The following EPB41L3 variants were observed in gnomAD, a reference collection of about 807,000 sequenced individuals.
EPB41L3 encodes the protein erythrocyte membrane protein band 4.1 like 3.
Under a neutral mutation model 127.1 loss-of-function variants are expected in EPB41L3, and 57 were observed. The ratio of observed to expected loss-of-function variants is 0.45; its 90% CI spans 0.36 to 0.56. The LOEUF is 0.56. Among genes scored for constraint, EPB41L3 ranks in the 20% least tolerant of loss-of-function variants. The pLI is 0.00. For missense variants in EPB41L3, 1,273 were observed against 1,372.2 expected (o/e 0.93, Z 1.14); for synonymous variants, 572 against 549.5 (o/e 1.04, Z -0.57).
At chr18:5,431,894 C>T (rs538693697) in intron 8 of EPB41L3, among the ~76,000 whole-genome samples, 1 of 152,180 alleles carries the variant, frequency 6.6e-6, no homozygotes, top group East Asian at 1.9e-4. Flanking sequence ...TATCTGAGTG[C>T]AAAATAGGTG....
chr18:5,533,043 A>G (rs1312667861), intron 1 of EPB41L3, among the ~76,000 whole-genome samples: 1 of 152,178 alleles, frequency 6.6e-6, no homozygotes, highest in Non-Finnish European at 1.5e-5. Flanking sequence ...ATGTATATTC[A>G]CCCTTTGTCA....
At chr18:5,443,332 T>C (rs2081048153) in intron 5 of EPB41L3, among the ~76,000 whole-genome samples, 1 of 152,252 alleles carries the variant, frequency 6.6e-6, no homozygotes, top group Admixed American at 6.5e-5. Flanking sequence ...AGCAACTGTT[T>C]AAGACTTATT....
chr18:5,456,163 T>A (rs1270640719), intron 3 of EPB41L3, among the ~76,000 whole-genome samples: 1 of 152,124 alleles, frequency 6.6e-6, no homozygotes, highest in East Asian at 1.9e-4. Context: ...ATTTAATGAG[T>A]ATGAATTTGT....
At chr18:5,427,386 T>C (rs1005040703) in intron 9 of EPB41L3, among the ~76,000 whole-genome samples, 13 of 152,186 alleles carry the variant, frequency 8.5e-5, no homozygotes, top group Non-Finnish European at 1.6e-4. Flanking sequence ...AGTAGATATG[T>C]GTTACTATTA....
intron 2 of EPB41L3, among the ~76,000 whole-genome samples, chr18:5,484,474 A>G (rs187002198): frequency 1.7e-4 from 26 of 151,964 alleles, no homozygotes; most frequent in African/African-American, 6.3e-4. Flanking sequence ...AAATTAGGAA[A>G]AAAAGAAATG....
chr18:5,607,963 T>C (rs2094680719), intron 3 of EPB41L3, among the ~76,000 whole-genome samples: 1 of 152,170 alleles, frequency 6.6e-6, no homozygotes, highest in Non-Finnish European at 1.5e-5. Context: ...TGAAAATATT[T>C]CAATGGATAT....
chr18:5,626,165 G>A (rs893542497), intron 1 of EPB41L3, among the ~76,000 whole-genome samples: 3 of 152,020 alleles, frequency 2.0e-5, no homozygotes, highest in Admixed American at 6.6e-5. Context: ...CTGGAACATT[G>A]GTGCTTGCAT....
At chr18:5,566,104 G>C (rs572149739) in intron 3 of EPB41L3, among the ~76,000 whole-genome samples, 1 of 152,264 alleles carries the variant, frequency 6.6e-6, no homozygotes, top group East Asian at 1.9e-4. Flanking sequence ...GGTGTTGGAA[G>C]TTCTGGCCAG....
At chr18:5,455,251 C>T (rs148355625) in intron 3 of EPB41L3, among the ~76,000 whole-genome samples, 1,534 of 151,862 alleles carry the variant, frequency 0.01, 29 homozygotes, top group African/African-American at 0.035. Flanking sequence ...CCTATTTATT[C>T]TACAATGAAA....
At chr18:5,545,049 A>G (rs534905425), upstream of EPB41L3, among the ~76,000 whole-genome samples, 5 of 152,328 alleles carry the variant, frequency 3.3e-5, no homozygotes, top group South Asian at 4.1e-4. Flanking sequence ...ACACATTAGC[A>G]TATCTATCAA....
chr18:5,630,430 G>T (rs779801014), upstream of EPB41L3: 4 of 518,918 alleles, frequency 7.7e-6, no homozygotes, highest in South Asian at 5.6e-5. Flanking sequence ...TTCGCAGCCC[G>T]CAGGCACAAC....
intron 1 of EPB41L3, among the ~76,000 whole-genome samples, chr18:5,508,894 C>T (rs1259820658): frequency 6.6e-6 from 1 of 151,766 alleles, no homozygotes; most frequent in Non-Finnish European, 1.5e-5. Flanking sequence ...TAAAAGGCAG[C>T]AAACTCTGCT....
At chr18:5,563,573 G>A (rs188942734) in intron 3 of EPB41L3, among the ~76,000 whole-genome samples, 11 of 152,260 alleles carry the variant, frequency 7.2e-5, no homozygotes, top group South Asian at 4.1e-4. Context: ...AGGACTTGAC[G>A]TCCCATTACT....
At chr18:5,534,963 C>T (rs2093524585) in intron 1 of EPB41L3, among the ~76,000 whole-genome samples, 1 of 152,122 alleles carries the variant, frequency 6.6e-6, no homozygotes, top group Admixed American at 6.5e-5. Flanking sequence ...TATTCTGCAA[C>T]AAGGATTCCC....
chr18:5,624,337 C>A (rs918927703), intron 1 of EPB41L3, among the ~76,000 whole-genome samples: 2 of 152,206 alleles, frequency 1.3e-5, no homozygotes, highest in South Asian at 4.1e-4. Flanking sequence ...TTATGGGCAT[C>A]TTGCCCAGCA....
chr18:5,525,184 G>A (rs1205130138), intron 1 of EPB41L3, among the ~76,000 whole-genome samples: 1 of 152,052 alleles, frequency 6.6e-6, no homozygotes, highest in Admixed American at 6.5e-5. Context: ...CTCCAAGCTG[G>A]ACCCAAGTAG....
At position 5,401,021 on chromosome 18, in the gene EPB41L3, GA is replaced by G. The variant is rs1286883087; in HGVS notation, c.2350-2879del. The stretch of plus-strand genomic sequence containing the variant: ...TTGCTGCAAAAATATAACTTTTTCA[GA>G]AATCTCTGTTTCTTCTTTGGTCTGT... On this transcript the variant is annotated intron_variant, in intron 16 of 22. Coordinates refer to ENST00000341928, the MANE Select transcript of EPB41L3 (RefSeq NM_012307.5). 3.9e-6 allele frequency: 6 copies of G among 1,534,602 alleles called. No individual in the cohort carries two copies. The Admixed American group carries it at 1.2e-4, about 30-fold the overall frequency.
intron 3 of EPB41L3, among the ~76,000 whole-genome samples, chr18:5,569,705 T>C (rs777492990): frequency 1.4e-4 from 22 of 152,172 alleles, no homozygotes; most frequent in Non-Finnish European, 2.2e-4. Flanking sequence ...TTCAGGTGGG[T>C]AGTGGTTTTT....
chr18:5,414,504 T>A (rs911040717), intron 13 of EPB41L3, among the ~76,000 whole-genome samples: 2 of 152,226 alleles, frequency 1.3e-5, no homozygotes, highest in Non-Finnish European at 2.9e-5. Flanking sequence ...TACTATATAC[T>A]CACAGGTGCA....
Sources: gnomAD v4.1 joint callset for allele counts (sites outside exome capture counted in the v4.1 genomes callset) on GRCh38, gnomAD v4.1.1 for gene constraint, MANE v1.5 for transcripts, NCBI Gene and HGNC (gene_info 2026-07-23, HGNC 2026-07-21) for gene names.